The following SLC9A9 variants were observed in gnomAD, a reference collection of about 807,000 sequenced individuals.
The protein encoded by SLC9A9 is sodium/hydrogen exchanger 9.
SLC9A9 carries 62 observed loss-of-function variants against 77.8 expected under a neutral mutation model. The ratio of observed to expected loss-of-function variants is 0.80; its 90% CI spans 0.65 to 0.98. SLC9A9 has a LOEUF of 0.98. Among genes scored for constraint, SLC9A9 ranks in the 50% least tolerant of loss-of-function variants. The pLI is 0.00. For missense variants in SLC9A9, 775 were observed against 774.9 expected, an observed-to-expected ratio of 1.00 and a Z score of 0.00; for synonymous variants, 320 against 283.5, an observed-to-expected ratio of 1.13 and a Z score of -1.29.
intron 4 of SLC9A9, among the ~76,000 whole-genome samples, chr3:143,708,238 A>T (rs944746836): frequency 1.3e-5 from 2 of 152,142 alleles, no homozygotes; most frequent in Non-Finnish European, 2.9e-5. Flanking sequence ...ATACCAGCCC[A>T]TTCAGTTTGA....
rs907047443 is a variant in SLC9A9 at position 143,473,115 on chromosome 3, G to A, written c.1316-5925C>T. On this transcript the variant is annotated intron_variant, in intron 11 of 15. Coordinates refer to ENST00000316549, the MANE Select transcript of SLC9A9 (RefSeq NM_173653.4). ...TAGAGATTCTGATGCAGCAGAGGAC[G>A]AGGTATATGAGAGCCCAGCTCCTCT... 3.9e-5 allele frequency among the ~76,000 whole-genome samples: 6 copies of A among 152,104 alleles called. No individual in the cohort carries two copies. In the East Asian group the frequency reaches 1.2e-3, roughly 29 times the overall value.
chr3:143,351,388 A>G (rs2032449700), intron 14 of SLC9A9, among the ~76,000 whole-genome samples: 1 of 152,262 alleles, frequency 6.6e-6, no homozygotes, highest in South Asian at 2.1e-4. Flanking sequence ...AGACTGAGCT[A>G]GCAAGGAAGA....
intron 13 of SLC9A9, among the ~76,000 whole-genome samples, chr3:143,363,896 GGAT>G (rs2032825058): frequency 1.3e-5 from 2 of 152,148 alleles, no homozygotes; most frequent in African/African-American, 4.8e-5. Flanking sequence ...TGTCAAATTT[GGAT>G]GATATTTATT....
At chr3:143,278,455 G>T (rs1054026795) in intron 14 of SLC9A9, among the ~76,000 whole-genome samples, 7 of 152,168 alleles carry the variant, frequency 4.6e-5, no homozygotes, top group Admixed American at 1.3e-4. Context: ...TCATAGGGCT[G>T]CCATAACAAA....
intron 4 of SLC9A9, among the ~76,000 whole-genome samples, chr3:143,695,551 A>G (rs1933613491): frequency 3.3e-5 from 5 of 152,112 alleles, no homozygotes; most frequent in Admixed American, 3.3e-4. Flanking sequence ...TCCATGGTGT[A>G]TATGTGCCAC....
At chr3:143,397,911 A>T (rs1324573036) in intron 12 of SLC9A9, among the ~76,000 whole-genome samples, 2 of 152,228 alleles carry the variant, frequency 1.3e-5, no homozygotes, top group African/African-American at 2.4e-5. Context: ...ATATTTAAAG[A>T]ACTGTAAAAC....
At chr3:143,783,536 G>C (rs1282120790) in intron 4 of SLC9A9, among the ~76,000 whole-genome samples, 1 of 152,170 alleles carries the variant, frequency 6.6e-6, no homozygotes, top group Non-Finnish European at 1.5e-5. Flanking sequence ...AATAGGTAAA[G>C]TATGGAATAT....
chr3:143,289,239 C>T (rs1156877175), intron 14 of SLC9A9, among the ~76,000 whole-genome samples: 1 of 152,172 alleles, frequency 6.6e-6, no homozygotes, highest in African/African-American at 2.4e-5. Context: ...ATTGGAGGCT[C>T]AATTCACTGC....
At chr3:143,547,659 T>C (rs967048906) in intron 9 of SLC9A9, among the ~76,000 whole-genome samples, 1 of 152,366 alleles carries the variant, frequency 6.6e-6, no homozygotes, top group South Asian at 2.1e-4. Context: ...CCTCTGTACC[T>C]GTCATTCCCA....
chr3:143,331,862 C>T (rs2031781970), intron 14 of SLC9A9, among the ~76,000 whole-genome samples: 1 of 152,022 alleles, frequency 6.6e-6, no homozygotes, highest in African/African-American at 2.4e-5. Flanking sequence ...TGCTCTGCAG[C>T]TTAGAGGTGG....
chr3:143,780,606 G>A (rs2007841610), intron 4 of SLC9A9, among the ~76,000 whole-genome samples: 1 of 152,218 alleles, frequency 6.6e-6, no homozygotes, highest in South Asian at 2.1e-4. Context: ...AGTTAAGAAA[G>A]CATTGTCCTC....
intron 12 of SLC9A9, among the ~76,000 whole-genome samples, chr3:143,386,239 C>A (rs943382044): frequency 6.6e-6 from 1 of 152,196 alleles, no homozygotes; most frequent in Non-Finnish European, 1.5e-5. Flanking sequence ...CTGTCTTTGG[C>A]GACCCTGGCT....
chr3:143,418,237 T>C (rs534050996), intron 12 of SLC9A9, among the ~76,000 whole-genome samples: 1 of 151,786 alleles, frequency 6.6e-6, no homozygotes, highest in African/African-American at 2.4e-5. Context: ...TAAGGAATCA[T>C]AACCTTAAAG....
intron 8 of SLC9A9, among the ~76,000 whole-genome samples, chr3:143,561,032 T>A (rs1214250661): frequency 1.3e-5 from 2 of 151,940 alleles, no homozygotes; most frequent in Non-Finnish European, 2.9e-5. Flanking sequence ...AATACAAAAA[T>A]TAGCCGGGCG....
At position 143,623,822 on chromosome 3, in the gene SLC9A9, A is replaced by C. The variant is rs2038266563; in HGVS notation, c.755+28433T>G. 1.3e-5 allele frequency among the ~76,000 whole-genome samples: 2 copies of C among 152,214 alleles called. 1 individual carries two copies. Among genetic ancestry groups the C allele is most frequent in the South Asian group, 4.1e-4 (2 of 4,828 alleles). On this transcript the variant is annotated intron_variant, in intron 6 of 15. Coordinates refer to ENST00000316549, the MANE Select transcript of SLC9A9 (RefSeq NM_173653.4). ...AACCCTTCAAAAAATCAATGAATCCAGGAGCTAGTTTTTTGAAAAGATCAA... is the reference window on the plus strand; with the variant it reads ...AACCCTTCAAAAAATCAATGAATCCCGGAGCTAGTTTTTTGAAAAGATCAA...
At chr3:143,267,663 T>G (rs1286752831) in intron 15 of SLC9A9, among the ~76,000 whole-genome samples, 2 of 152,148 alleles carry the variant, frequency 1.3e-5, no homozygotes, top group Non-Finnish European at 2.9e-5. Context: ...TCCTGTTACA[T>G]TTTACCTTAA....
chr3:143,580,997 A>C (rs1203970800), intron 6 of SLC9A9, among the ~76,000 whole-genome samples: 1 of 152,244 alleles, frequency 6.6e-6, no homozygotes, highest in African/African-American at 2.4e-5. Context: ...CAAACACCTG[A>C]TATATGCAAA....
chr3:143,493,913 T>C, intron 10 of SLC9A9, 149 bp from the exon 11 acceptor site: 1 of 671,586 alleles, frequency 1.5e-6, no homozygotes, highest in South Asian at 1.7e-5. Flanking sequence ...TCCAACTTGC[T>C]TCCAAAATTT....
chr3:143,652,571 G>A (rs573430754), intron 5 of SLC9A9, among the ~76,000 whole-genome samples: 3 of 152,160 alleles, frequency 2.0e-5, no homozygotes, highest in Non-Finnish European at 4.4e-5. Flanking sequence ...GAGCTCCAAA[G>A]TACAAGTACC....
Sources: allele counts gnomAD v4.1 joint callset (sites outside exome capture counted in the v4.1 genomes callset), GRCh38; gene constraint gnomAD v4.1.1; transcripts MANE v1.5; gene names NCBI Gene and HGNC (gene_info 2026-07-23, HGNC 2026-07-21).